The following KIF2A variants were observed in gnomAD, a reference collection of about 807,000 sequenced individuals.
KIF2A encodes the protein kinesin-like protein KIF2A.
A neutral mutation model predicts 100.2 loss-of-function variants in KIF2A; 22 were observed. The ratio of observed to expected loss-of-function variants is 0.22; its 90% CI spans 0.16 to 0.31. KIF2A has a LOEUF of 0.31. Ranked by LOEUF, KIF2A falls within the 10% of genes least tolerant of loss-of-function variation. The pLI is 1.00. For synonymous variants in KIF2A, 268 were observed against 285.9 expected, an observed-to-expected ratio of 0.94 and a Z score of 0.63; for missense variants, 495 against 898.7, an observed-to-expected ratio of 0.55 and a Z score of 5.74.
chr5:62,352,977 T>C, intron 5 of KIF2A: 1 of 429,862 alleles, frequency 2.3e-6, no homozygotes, highest in Middle Eastern at 6.2e-4. Context: ...ATTTGTCAGA[T>C]GTTACAGAAG....
In KIF2A at chr5:62,313,011, CT is replaced by C. The variant is rs916111365; in HGVS notation, c.64+6485del. 8.1e-4 allele frequency among the ~76,000 whole-genome samples: 120 copies of C among 148,066 alleles called. 1 individual carries two copies. The highest frequency in any genetic ancestry group is 1.7e-3 in the African/African-American group (69 of 40,514). ...ATCAAAATAATGTGGTCTTATGTTT[CT>C]TTTTTTTTTATTGCAGATTTCATTG... On this transcript the variant is annotated intron_variant, in intron 1 of 20. Coordinates refer to ENST00000407818, the MANE Select transcript of KIF2A (RefSeq NM_001098511.3).
rs3822487 is a variant in KIF2A at position 62,390,117 on chromosome 5, A to G, written c.*4548A>G. On this transcript the variant is annotated 3_prime_UTR_variant, in exon 21 of 21. Transcript: ENST00000407818. ...AAACCAATGACTTTTAGAACAATCT[A>G]CTCTCATTTTTTATTCAGCCTCTAG... Among the ~76,000 whole-genome samples the G allele has an allele frequency of 0.056, 8,523 of 152,172 alleles. 324 individuals carry two copies. The highest frequency in any genetic ancestry group is 0.14 in the East Asian group (699 of 5,170).
intron 20 of KIF2A, 89 bp downstream of exon 20, chr5:62,381,342 T>TC: frequency 9.4e-7 from 1 of 1,067,046 alleles, no homozygotes; most frequent in Non-Finnish European, 1.4e-6. Context: ...CAAGAGGACA[T>TC]ACGAAGTGAA....
intron 20 of KIF2A, among the ~76,000 whole-genome samples, chr5:62,382,920 C>T (rs1425846315): frequency 1.3e-5 from 2 of 148,790 alleles, no homozygotes; most frequent in Non-Finnish European, 3.0e-5. Flanking sequence ...AGGCACCGAG[C>T]CTGGCTTTGC....
chr5:62,373,653 T>A, intron 17 of KIF2A, 34 bp from the exon 18 acceptor site: 1 of 1,562,034 alleles, frequency 6.4e-7, no homozygotes, highest in Non-Finnish European at 8.8e-7. Context: ...TGCATGAGTG[T>A]TTTTAACTTT....
chr5:62,347,089 ATTTG>A (rs754330795), intron 1 of KIF2A, 37 bp from the exon 2 acceptor site: 1 of 1,119,350 alleles, frequency 8.9e-7, no homozygotes, highest in Admixed American at 2.1e-5. Context: ...GAATGCCATA[ATTTG>A]TGGCATTTTT....
At chr5:62,306,797 C>T in intron 1 of KIF2A, 2 of 464,396 alleles carry the variant, frequency 4.3e-6, no homozygotes, top group Non-Finnish European at 7.6e-6. Context: ...AGGGTCGCGT[C>T]TCCGGGGGTC....
At chr5:62,356,421 C>T (rs911607169) in intron 7 of KIF2A, among the ~76,000 whole-genome samples, 16 of 152,122 alleles carry the variant, frequency 1.1e-4, no homozygotes, top group African/African-American at 3.6e-4. Context: ...ATAGACAATA[C>T]ATAAATGATG....
intron 16 of KIF2A, among the ~76,000 whole-genome samples, chr5:62,370,725 A>T (rs1741284045): frequency 6.6e-6 from 1 of 152,188 alleles, no homozygotes; most frequent in Non-Finnish European, 1.5e-5. Context: ...TGAAGCAGAG[A>T]TACTTAATCT....
At position 62,389,329 on chromosome 5, in the gene KIF2A, T is replaced by C. The variant is rs1742183336; in HGVS notation, c.*3760T>C. The stretch of plus-strand genomic sequence containing the variant: ...GGTGAAACCCCGTCTCTACTAAAAA[T>C]ACAAAAATTAGCCTGGCATGGTGGC... On this transcript the variant is annotated 3_prime_UTR_variant, in exon 21 of 21. Transcript: ENST00000407818. Among the ~76,000 whole-genome samples the C allele has an allele frequency of 6.6e-6, 1 of 151,430 alleles. No individual in the cohort carries two copies. The highest frequency in any genetic ancestry group is 6.6e-5 in the Admixed American group (1 of 15,212).
At chr5:62,382,119 T>C (rs1186671773) in intron 20 of KIF2A, among the ~76,000 whole-genome samples, 1 of 152,246 alleles carries the variant, frequency 6.6e-6, no homozygotes, top group Non-Finnish European at 1.5e-5. Flanking sequence ...ATGAAATTCC[T>C]AATTTGGGGC....
chr5:62,343,112 C>A (rs746465729), intron 1 of KIF2A, among the ~76,000 whole-genome samples: 21 of 152,180 alleles, frequency 1.4e-4, no homozygotes, highest in Non-Finnish European at 2.8e-4. Context: ...TAGCAGTAAA[C>A]CTCTTGTACT....
At chr5:62,321,221 C>T (rs571374971) in intron 1 of KIF2A, among the ~76,000 whole-genome samples, 2 of 152,234 alleles carry the variant, frequency 1.3e-5, no homozygotes, top group South Asian at 2.1e-4. Flanking sequence ...CATTCATATA[C>T]AAGTTTTTGT....
intron 1 of KIF2A, among the ~76,000 whole-genome samples, chr5:62,328,561 G>A (rs943341861): frequency 3.3e-5 from 5 of 151,910 alleles, no homozygotes; most frequent in Admixed American, 2.6e-4. Flanking sequence ...GTGCGATCTC[G>A]GCTCAGTGCA....
chr5:62,348,987 A>G (rs994982899), intron 3 of KIF2A, among the ~76,000 whole-genome samples: 2 of 152,226 alleles, frequency 1.3e-5, no homozygotes, highest in African/African-American at 2.4e-5. Flanking sequence ...AGTATAATAG[A>G]AGCAACAAAA....
intron 14 of KIF2A, among the ~76,000 whole-genome samples, chr5:62,364,407 A>G (rs939163636): frequency 6.6e-6 from 1 of 152,116 alleles, no homozygotes; most frequent in Non-Finnish European, 1.5e-5. Context: ...CAGCCTTCCA[A>G]AGTGCTGGGA....
In KIF2A at chr5:62,388,000, T is replaced by C. The variant is rs1270529944; in HGVS notation, c.*2431T>C. On this transcript the variant is annotated 3_prime_UTR_variant, in exon 21 of 21. Coordinates refer to ENST00000407818, the MANE Select transcript of KIF2A (RefSeq NM_001098511.3). The stretch of plus-strand genomic sequence containing the variant: ...TTTTTTATAGAAACAAAATAGCTAC[T>C]ATAACTCTATTATAGTATATTAACA... 1.3e-5 allele frequency: 2 copies of C among 152,168 alleles called. No individual in the cohort carries two copies. The highest frequency in any genetic ancestry group is 4.8e-5 in the African/African-American group (2 of 41,464). 9.4% of individuals were successfully genotyped at this position (152,168 alleles called of 1,614,324 possible).
intron 9 of KIF2A, among the ~76,000 whole-genome samples, chr5:62,360,089 C>T (rs781632369): frequency 9.9e-5 from 15 of 151,846 alleles, no homozygotes; most frequent in Non-Finnish European, 1.8e-4. Context: ...CCTCCCAGTT[C>T]AAGCGATTCT....
In KIF2A at chr5:62,352,578, T is replaced by C. The variant is rs1293757146; in HGVS notation, c.335-10T>C. On this transcript the variant is annotated splice_polypyrimidine_tract_variant and intron_variant, in intron 4 of 20. Coordinates refer to ENST00000407818, the MANE Select transcript of KIF2A (RefSeq NM_001098511.3). ...ATCCTGAATTTAAAATTTTTTTTTT[T>C]TACTTACAGTGGTTGGTTCAGCACG... 12 of 1,508,572 alleles carry C rather than the reference T, an allele frequency of 8.0e-6. No individual in the cohort carries two copies. The East Asian group carries it at 3.0e-4, about 38-fold the overall frequency. The allele number at this position is 1,508,572 out of a possible 1,614,324, so 93.4% of individuals were successfully genotyped here.
Sources: gnomAD v4.1 joint callset for allele counts (sites outside exome capture counted in the v4.1 genomes callset) on GRCh38, gnomAD v4.1.1 for gene constraint, MANE v1.5 for transcripts, NCBI Gene and HGNC (gene_info 2026-07-23, HGNC 2026-07-21) for gene names.